The following MYO18B variants were observed in gnomAD, a reference collection of about 807,000 sequenced individuals.
MYO18B encodes myosin XVIIIB, also known as unconventional myosin-XVIIIb.
MYO18B carries 204 observed loss-of-function variants against 273.0 expected under a neutral mutation model. The observed-to-expected ratio is 0.75, with a 90% CI of 0.67 to 0.84. MYO18B has a LOEUF of 0.84. MYO18B is among the 40% of genes least tolerant of loss of function. The probability of loss-of-function intolerance (pLI) is 0.00; values close to 1 mark genes in which losing one functional copy is unlikely to be tolerated. For synonymous variants in MYO18B, 1,330 were observed against 1,305.7 expected (o/e 1.02, Z -0.40); for missense variants, 3,212 against 3,287.6 (o/e 0.98, Z 0.56).
Position 25,777,750 on chromosome 22 carries a change from G to T in MYO18B, c.2037G>T (p.Gly679=). The part of the protein sequence containing the change: ...CCEQVLEHLV[G]MAGSVDGRVS... ...AGCAGGTCCTGGAACACCTGGTGGG[G>T]ATGGCAGGCAGTGTGGATGGCAGGG... The change falls in exon 8 of 44, where the codon GGG becomes GGT. Residue 679 remains glycine (G), a synonymous_variant. Transcript: ENST00000335473. 5 of 1,607,002 alleles carry T rather than the reference G, an allele frequency of 3.1e-6. No individual in the cohort carries two copies. Among genetic ancestry groups the T allele is most frequent in the Non-Finnish European group, 4.2e-6 (5 of 1,176,506 alleles).
Position 25,986,686 on chromosome 22 carries a change from T to C in MYO18B, c.6157-5677T>C, listed in dbSNP as rs146438046. On this transcript the variant is annotated intron_variant, in intron 39 of 43. Coordinates refer to ENST00000335473, the MANE Select transcript of MYO18B (RefSeq NM_032608.7). The stretch of plus-strand genomic sequence containing the variant: ...AGGTTTCAGGATATACCCTGATCTA[T>C]AGGATAAAGTACGTGTTACAGGCAA... Among the ~76,000 whole-genome samples, 8 of 152,356 alleles carry C rather than the reference T, an allele frequency of 5.3e-5. No homozygotes were observed. In the East Asian group the frequency reaches 1.2e-3, roughly 22 times the overall value.
Position 25,891,428 on chromosome 22 carries a change from C to G in MYO18B, c.4543+16C>G. 6.7e-7 allele frequency: 1 copy of G among 1,502,896 alleles called. No homozygotes were observed. 93.1% of individuals were successfully genotyped at this position (1,502,896 alleles called of 1,614,324 possible). On this transcript the variant is annotated intron_variant, in intron 27 of 43. Transcript: ENST00000335473. The stretch of plus-strand genomic sequence containing the variant: ...ACTGGAGGAGGTGAGCAGCCTGGGA[C>G]CCTTGGGGCTGGAAGGTGATGGACA...
chr22:25,866,780 G>C (rs867293032), intron 21 of MYO18B, among the ~76,000 whole-genome samples: 1 of 102,418 alleles, frequency 9.8e-6, no homozygotes, highest in African/African-American at 3.9e-5. Flanking sequence ...GCGAGACTCC[G>C]TCTCAAAAAA....
chr22:25,903,899 TA>T, intron 31 of MYO18B, 68 bp downstream of exon 31: 1 of 1,503,960 alleles, frequency 6.6e-7, no homozygotes, highest in Non-Finnish European at 9.0e-7. Context: ...GTTATTAAAA[TA>T]CAATGTGGGT....
chr22:25,845,586 A>G (rs147456323), intron 18 of MYO18B, among the ~76,000 whole-genome samples: 3 of 152,356 alleles, frequency 2.0e-5, no homozygotes, highest in Middle Eastern at 3.4e-3. Context: ...GAATCTGTCC[A>G]TGACAGGGAT....
chr22:25,815,954 A>G (rs1036013357), intron 12 of MYO18B, among the ~76,000 whole-genome samples: 14 of 152,244 alleles, frequency 9.2e-5, no homozygotes, highest in Non-Finnish European at 1.8e-4. Context: ...TGCATAACTC[A>G]GCATCAATTT....
intron 21 of MYO18B, among the ~76,000 whole-genome samples, chr22:25,852,683 A>G (rs1421561286): frequency 6.6e-6 from 1 of 152,150 alleles, no homozygotes; most frequent in Non-Finnish European, 1.5e-5. Flanking sequence ...ATGAAGTGGC[A>G]CTCCTGAGGC....
At chr22:25,828,392 T>A (rs1230078287) in intron 14 of MYO18B, among the ~76,000 whole-genome samples, 1 of 152,184 alleles carries the variant, frequency 6.6e-6, no homozygotes, top group Admixed American at 6.5e-5. Flanking sequence ...TTGAAAGAAT[T>A]TTGTAAACTG....
chr22:25,801,355 C>G (rs889656202), intron 12 of MYO18B, among the ~76,000 whole-genome samples: 2 of 152,302 alleles, frequency 1.3e-5, no homozygotes, highest in African/African-American at 4.8e-5. Flanking sequence ...ACTTATACCT[C>G]TATTATGCCC....
chr22:25,789,083 T>G, intron 11 of MYO18B, among the ~76,000 whole-genome samples: 1 of 143,866 alleles, frequency 7.0e-6, no homozygotes, highest in South Asian at 2.2e-4. Context: ...CTCCTTCTTC[T>G]TCCTCCTCCT....
chr22:25,990,258 G>A (rs1382068317), intron 39 of MYO18B, among the ~76,000 whole-genome samples: 2 of 152,170 alleles, frequency 1.3e-5, no homozygotes, highest in East Asian at 1.9e-4. Context: ...TTCCATTGGG[G>A]AATGCAGTCA....
rs1421662595 is a variant in MYO18B at position 26,027,260 on chromosome 22, C to T, written c.7286C>T (p.Pro2429Leu). 6.2e-7 allele frequency: 1 copy of T among 1,614,012 alleles called. No individual in the cohort carries two copies. The highest frequency in any genetic ancestry group is 2.2e-5 in the East Asian group (1 of 44,872). Reference sequence around the variant, plus strand: ...AGTGACCCATTCAGCTGGAAACTCCCAAGCCTCGACTACGAACGCAAGACC... The same window carrying T: ...AGTGACCCATTCAGCTGGAAACTCCTAAGCCTCGACTACGAACGCAAGACC... ...LGSDPFSWKLPSLDYERKTKV... is the reference protein window; with the variant it reads ...LGSDPFSWKLLSLDYERKTKV... Residue 2429 changes from proline to leucine, a missense_variant, in exon 43 of 44, where the codon CCA becomes CTA. Physicochemically the swap from Pro to Leu is moderately conservative, Grantham distance 98. Coordinates refer to ENST00000335473, the MANE Select transcript of MYO18B (RefSeq NM_032608.7). This position sits in a 1 kb window ranked among gnomAD's most constrained non-coding sequence, Gnocchi z 4.1.
rs548881233 is a variant in MYO18B at position 26,027,982 on chromosome 22, G to A, written c.*12+292G>A. Among the ~76,000 whole-genome samples, 44 of 152,124 alleles carry A rather than the reference G, an allele frequency of 2.9e-4. No homozygotes were observed. In the East Asian group the frequency reaches 4.3e-3, roughly 15 times the overall value. ...GATGTAGCCGGGCGCGGTGGCTCAC[G>A]CCTGTAATCCCAGCACTTTGGGAGG... On this transcript the variant is annotated intron_variant, in intron 43 of 43. Transcript: ENST00000335473. This position sits in a 1 kb window ranked among gnomAD's most constrained non-coding sequence, Gnocchi z 4.1.
chr22:25,846,954 G>A (rs990777614), intron 19 of MYO18B, among the ~76,000 whole-genome samples: 1 of 152,028 alleles, frequency 6.6e-6, no homozygotes, highest in South Asian at 2.1e-4. Context: ...GGTGATGCAT[G>A]TCTGTAGTCC....
the MYO18B span, among the ~76,000 whole-genome samples, chr22:26,061,893 CA>C: frequency 5.9e-5 from 9 of 151,506 alleles, no homozygotes; most frequent in East Asian, 1.7e-3. Flanking sequence ...TGCTGAAAAA[CA>C]AAAAAAATCA....
chr22:25,775,004 C>T (rs567754703), intron 7 of MYO18B, among the ~76,000 whole-genome samples: 1 of 152,386 alleles, frequency 6.6e-6, no homozygotes, highest in South Asian at 2.1e-4. Flanking sequence ...GGCATGTGTG[C>T]ATGCATGCAT....
At chr22:26,024,708 C>CT (rs1936110123) in intron 42 of MYO18B, among the ~76,000 whole-genome samples, 1 of 152,286 alleles carries the variant, frequency 6.6e-6, no homozygotes, top group African/African-American at 2.4e-5. Flanking sequence ...CTCACACAGG[C>CT]CCCCAGCCTG....
At chr22:25,872,587 T>C (rs2146174417) in intron 22 of MYO18B, among the ~76,000 whole-genome samples, 1 of 152,364 alleles carries the variant, frequency 6.6e-6, no homozygotes, top group South Asian at 2.1e-4. Context: ...GTGATAATTG[T>C]ACCCTTGTCT....
At chr22:25,814,294 C>CTTTTTTTTTTTTTTTTTTTTTTTTTTTT (rs398036691) in intron 12 of MYO18B, among the ~76,000 whole-genome samples, 2 of 59,432 alleles carry the variant, frequency 3.4e-5, no homozygotes, top group Non-Finnish European at 6.5e-5. Flanking sequence ...AGGCACCGTT[C>CTTTTTTTTTTTTTTTTTTTTTTTTTTTT]TTTTTTTTTT....
Sources: gnomAD v4.1 joint callset for allele counts (sites outside exome capture counted in the v4.1 genomes callset) on GRCh38, gnomAD v4.1.1 for gene constraint, Gnocchi (gnomAD v3.1) non-coding constraint, MANE v1.5 for transcripts, NCBI Gene and HGNC (gene_info 2026-07-23, HGNC 2026-07-21) for gene names.